The following PPFIBP2 variants were observed in gnomAD, a reference collection of about 807,000 sequenced individuals.
PPFIBP2 encodes the protein PPFIB scaffold protein 2, also known as liprin-beta-2.
PPFIBP2 carries 118 observed loss-of-function variants against 118.3 expected under a neutral mutation model. The observed-to-expected ratio is 1.00, with a 90% CI of 0.86 to 1.16. PPFIBP2 has a LOEUF of 1.16. Ranked by LOEUF, PPFIBP2 falls within the 50% of genes most tolerant of loss-of-function variation. The pLI is 0.00. For synonymous variants in PPFIBP2, 414 were observed against 397.4 expected (o/e 1.04, Z -0.50); for missense variants, 1,195 against 1,073.1 (o/e 1.11, Z -1.59).
chr11:7,596,267 C>T (rs924844576), intron 4 of PPFIBP2, among the ~76,000 whole-genome samples: 6 of 152,188 alleles, frequency 3.9e-5, no homozygotes, highest in African/African-American at 1.4e-4. Flanking sequence ...CAGAGTCCTG[C>T]CCTTTTGAAA....
At chr11:7,605,274 C>G (rs1374330072) in intron 5 of PPFIBP2, among the ~76,000 whole-genome samples, 1 of 152,182 alleles carries the variant, frequency 6.6e-6, no homozygotes, top group African/African-American at 2.4e-5. Context: ...TGAAATAGAA[C>G]TTACATTCAG....
At chr11:7,574,604 A>G (rs1856058255) in intron 3 of PPFIBP2, among the ~76,000 whole-genome samples, 1 of 152,178 alleles carries the variant, frequency 6.6e-6, no homozygotes, top group African/African-American at 2.4e-5. Context: ...CCATCTGTAA[A>G]TCAAGTGAGG....
In PPFIBP2 at chr11:7,634,495, G is replaced by C; in HGVS notation, c.1137G>C (p.Arg379Ser). 6.2e-7 allele frequency: 1 copy of C among 1,610,206 alleles called. No homozygotes were observed. Among genetic ancestry groups the C allele is most frequent in the Non-Finnish European group, 8.5e-7 (1 of 1,176,654 alleles). The part of the protein sequence containing the change: ...PPLPQKSLET[R>S]AQKKLSCSLE... ...TTTCTTTCTTTTGTGTTTTTTTCAG[G>C]GCTCAGAAAAAGCTCTCTTGTAGTC... Residue 379 changes from arginine (R) to serine (S), a missense_variant and splice_region_variant, in exon 13 of 24, where the codon AGG (arginine) becomes AGC (serine). Coordinates refer to ENST00000299492, the MANE Select transcript of PPFIBP2 (RefSeq NM_003621.5).
At chr11:7,519,975 C>G (rs1228990542) in intron 1 of PPFIBP2, among the ~76,000 whole-genome samples, 1 of 152,186 alleles carries the variant, frequency 6.6e-6, no homozygotes, top group African/African-American at 2.4e-5. Context: ...AAGGAGCTTC[C>G]TTTGTCCAGC....
downstream of PPFIBP2, chr11:7,656,905 G>A: frequency 1.2e-6 from 1 of 840,348 alleles, no homozygotes. Flanking sequence ...GTCCGGGCTG[G>A]CAGGGTGTCT....
chr11:7,603,345 G>T lies in PPFIBP2; in HGVS notation c.486+5672G>T, dbSNP rs1056492281. Among the ~76,000 whole-genome samples, 3 of 152,226 alleles carry T rather than the reference G, an allele frequency of 2.0e-5. No individual in the cohort carries two copies. In the South Asian group the frequency reaches 6.2e-4, roughly 31 times the overall value. On this transcript the variant is annotated intron_variant, in intron 5 of 23. Coordinates refer to ENST00000299492, the MANE Select transcript of PPFIBP2 (RefSeq NM_003621.5). Reference sequence around the variant, plus strand: ...AGATAAGAGTGAGGTTCAGAGAGATGATTGAGTTAGTGAGGACTGAGCCTG... The same window carrying T: ...AGATAAGAGTGAGGTTCAGAGAGATTATTGAGTTAGTGAGGACTGAGCCTG...
downstream of PPFIBP2, chr11:7,657,032 T>C (rs1268934895): frequency 3.0e-6 from 1 of 337,086 alleles, no homozygotes; most frequent in African/African-American, 2.2e-5. Context: ...TTCATACCTT[T>C]TGTACTTTTA....
downstream of PPFIBP2, among the ~76,000 whole-genome samples, chr11:7,658,285 A>AT (rs1854808950): frequency 8.0e-6 from 1 of 125,184 alleles, no homozygotes; most frequent in Non-Finnish European, 1.6e-5. Flanking sequence ...TCCAGGTGCT[A>AT]TCCCTCCCCC....
chr11:7,649,679 C>G, intron 21 of PPFIBP2, 25 bp downstream of exon 21: 1 of 1,613,646 alleles, frequency 6.2e-7, no homozygotes, highest in Non-Finnish European at 8.5e-7. Flanking sequence ...AGTATCTCTC[C>G]AGGTAGCCCT....
At chr11:7,597,259 A>G (rs888961256) in intron 4 of PPFIBP2, 1 of 1,534,978 alleles carries the variant, frequency 6.5e-7, no homozygotes. Context: ...AATAAGGAGC[A>G]GGAGTCCAGC....
chr11:7,549,179 C>T (rs951397656), intron 1 of PPFIBP2, among the ~76,000 whole-genome samples: 6 of 152,118 alleles, frequency 3.9e-5, no homozygotes, highest in East Asian at 1.9e-4. Context: ...TAACAATTGC[C>T]GTCTTGCTGC....
chr11:7,594,193 G>A (rs1018166762), intron 4 of PPFIBP2, among the ~76,000 whole-genome samples: 9 of 152,060 alleles, frequency 5.9e-5, no homozygotes, highest in African/African-American at 2.2e-4. Context: ...GAACATAAGG[G>A]TAATGAATGA....
At chr11:7,664,504 G>A in the PPFIBP2 span, among the ~76,000 whole-genome samples, 1 of 152,104 alleles carries the variant, frequency 6.6e-6, no homozygotes, top group African/African-American at 2.4e-5. Flanking sequence ...GCTAATAGAG[G>A]GTAGATGCAC....
In PPFIBP2 at chr11:7,551,011, C is replaced by T. The variant is rs547566779; in HGVS notation, c.64+1472C>T. 9.9e-5 allele frequency among the ~76,000 whole-genome samples: 15 copies of T among 152,074 alleles called. No homozygotes were observed. The South Asian group carries it at 3.1e-3, about 32-fold the overall frequency. ...CTTGTGGTCGTGTGAGTTAATAGTA[C>T]TTAATAAACTCCCCTTTATATCTAT... is the stretch of plus-strand genomic sequence containing the variant. On this transcript the variant is annotated intron_variant, in intron 2 of 23. Transcript: ENST00000299492.
chr11:7,623,656 G>A (rs1030850117), intron 7 of PPFIBP2, among the ~76,000 whole-genome samples: 5 of 152,082 alleles, frequency 3.3e-5, no homozygotes, highest in African/African-American at 7.2e-5. Context: ...TCTCTTGATC[G>A]GTCCACATTG....
intron 6 of PPFIBP2, among the ~76,000 whole-genome samples, chr11:7,614,706 T>C (rs1055440005): frequency 6.6e-6 from 1 of 152,152 alleles, no homozygotes; most frequent in Non-Finnish European, 1.5e-5. Flanking sequence ...CCATGAGCAA[T>C]GTAATGTATA....
At chr11:7,589,752 A>G (rs1858900272) in intron 3 of PPFIBP2, among the ~76,000 whole-genome samples, 1 of 152,158 alleles carries the variant, frequency 6.6e-6, no homozygotes, top group Admixed American at 6.5e-5. Context: ...TCGCTGACTT[A>G]CCTAATCAGG....
chr11:7,565,065 C>CT (rs61390279), intron 2 of PPFIBP2, among the ~76,000 whole-genome samples: 29,223 of 152,078 alleles, frequency 0.19, 2,856 homozygotes, highest in Non-Finnish European at 0.2. Context: ...ACTGTCTAAA[C>CT]GTAGTTTATG....
chr11:7,649,493 T>C lies in PPFIBP2; in HGVS notation c.1999-39T>C, dbSNP rs113048260. The C allele has an allele frequency of 1.8e-3, 2,982 of 1,613,102 alleles. 49 individuals carry two copies. In the African/African-American group the frequency reaches 0.034, roughly 19 times the overall value. ...GGACATCAGGGGTCTTTTGTCACTT[T>C]GGAAACTCTGGTTTATAAACCAAAC... On this transcript the variant is annotated intron_variant, in intron 20 of 23. Transcript: ENST00000299492.
Sources: gnomAD v4.1 joint callset for allele counts (sites outside exome capture counted in the v4.1 genomes callset) on GRCh38, gnomAD v4.1.1 for gene constraint, MANE v1.5 for transcripts, NCBI Gene and HGNC (gene_info 2026-07-23, HGNC 2026-07-21) for gene names.